Variants in TP63 observed in about 807,000 individuals in gnomAD.
TP63 encodes the protein tumor protein 63.
TP63 carries 17 observed loss-of-function variants against 82.8 expected under a neutral mutation model. The observed-to-expected ratio is 0.21, with a 90% CI of 0.14 to 0.31. TP63 has a LOEUF of 0.31. Ranked by LOEUF, TP63 falls within the 10% of genes least tolerant of loss-of-function variation. The pLI is 1.00. For missense variants in TP63, 648 were observed against 895.3 expected (o/e 0.72, Z 3.52); for synonymous variants, 330 against 321.7 (o/e 1.03, Z -0.28).
At chr3:189,600,271 C>T in the TP63 span, among the ~76,000 whole-genome samples, 2 of 152,130 alleles carry the variant, frequency 1.3e-5, no homozygotes, top group African/African-American at 4.8e-5. Context: ...AATTCTGTCT[C>T]TAGTTTGCCA....
chr3:189,771,012 C>T (rs879910696), intron 3 of TP63, among the ~76,000 whole-genome samples: 3 of 151,978 alleles, frequency 2.0e-5, no homozygotes, highest in Admixed American at 6.6e-5. Context: ...CAATGTATAT[C>T]TACTACCATT....
At chr3:189,700,483 C>T (rs764457144) in intron 1 of TP63, among the ~76,000 whole-genome samples, 1 of 152,070 alleles carries the variant, frequency 6.6e-6, no homozygotes, top group Non-Finnish European at 1.5e-5. Context: ...GAAATGGAAG[C>T]CCCACATGAA....
At chr3:189,706,803 G>T (rs76130555) in intron 1 of TP63, among the ~76,000 whole-genome samples, 2,264 of 152,280 alleles carry the variant, frequency 0.015, 51 homozygotes, top group African/African-American at 0.052. Context: ...TCACAGAGAC[G>T]ACTTGTAACA....
chr3:189,866,867 T>G, intron 6 of TP63, 70 bp downstream of exon 6: 1 of 1,219,260 alleles, frequency 8.2e-7, no homozygotes, highest in Non-Finnish European at 1.2e-6. Context: ...GAACATCTGT[T>G]TCAGCAACAG....
chr3:189,814,829 A>G (rs1350729198), intron 4 of TP63, among the ~76,000 whole-genome samples: 1 of 152,204 alleles, frequency 6.6e-6, no homozygotes. Flanking sequence ...AGCCAGTTTA[A>G]TCTAATCTAA....
In TP63 at chr3:189,647,698, G is replaced by C. The variant is rs149690101; in HGVS notation, c.62+16121G>C. On this transcript the variant is annotated intron_variant, in intron 1 of 13. Coordinates refer to ENST00000264731, the MANE Select transcript of TP63 (RefSeq NM_003722.5). ...ATTGTGTATGCAGCCCTTGTAGGAA[G>C]ACCGAAGCCAAATTATCAAAGAACA... is the stretch of plus-strand genomic sequence containing the variant. Among the ~76,000 whole-genome samples, 129 of 146,320 alleles carry C rather than the reference G, an allele frequency of 8.8e-4. 14 individuals are homozygous for C. Among genetic ancestry groups the C allele is most frequent in the Middle Eastern group, 3.4e-3 (1 of 290 alleles).
intron 3 of TP63, among the ~76,000 whole-genome samples, chr3:189,781,052 A>G (rs1724191745): frequency 6.6e-6 from 1 of 152,178 alleles, no homozygotes; most frequent in African/African-American, 2.4e-5. Flanking sequence ...AGGCCCAGAA[A>G]GGACTTTAGA....
At chr3:189,802,332 C>A (rs1442359645) in intron 3 of TP63, among the ~76,000 whole-genome samples, 1 of 152,208 alleles carries the variant, frequency 6.6e-6, no homozygotes, top group Non-Finnish European at 1.5e-5. Context: ...AGGTGGTTAT[C>A]AGCTGAGGAA....
intron 3 of TP63, among the ~76,000 whole-genome samples, chr3:189,749,856 G>A (rs1721670315): frequency 6.6e-6 from 1 of 152,118 alleles, no homozygotes; most frequent in African/African-American, 2.4e-5. Flanking sequence ...AGGTGCGGTG[G>A]CTCACACCTG....
At chr3:189,630,136 T>C (rs1439648514), upstream of TP63, among the ~76,000 whole-genome samples, 1 of 152,160 alleles carries the variant, frequency 6.6e-6, no homozygotes, top group African/African-American at 2.4e-5. Context: ...TTGAGTTAGA[T>C]TTACTTACAG....
At chr3:189,695,342 T>C (rs1717293718) in intron 1 of TP63, among the ~76,000 whole-genome samples, 1 of 152,180 alleles carries the variant, frequency 6.6e-6, no homozygotes, top group African/African-American at 2.4e-5. Flanking sequence ...ATTTTGAGCA[T>C]GGTTTTAAAT....
At chr3:189,848,270 T>TCTCTCTCTCTCTCTC (rs1560254388) in intron 4 of TP63, among the ~76,000 whole-genome samples, 3 of 151,060 alleles carry the variant, frequency 2.0e-5, no homozygotes, top group Non-Finnish European at 4.4e-5. Flanking sequence ...TCTCTCTCTC[T>TCTCTCTCTCTCTCTC]GTTGCCTAGG....
At chr3:189,837,162 T>G (rs920382014) in intron 4 of TP63, among the ~76,000 whole-genome samples, 2 of 152,144 alleles carry the variant, frequency 1.3e-5, no homozygotes, top group African/African-American at 4.8e-5. Context: ...TTGTTTTGTT[T>G]TCCCTTCTGC....
At chr3:189,732,617 T>TA (rs200203092) in intron 1 of TP63, among the ~76,000 whole-genome samples, 1,778 of 152,312 alleles carry the variant, frequency 0.012, 19 homozygotes, top group Non-Finnish European at 0.017. Context: ...AGAAAGCCTC[T>TA]CAACCACCTT....
intron 11 of TP63, 105 bp downstream of exon 11, chr3:189,886,656 T>C: frequency 6.6e-7 from 1 of 1,511,162 alleles, no homozygotes; most frequent in Non-Finnish European, 9.0e-7. Flanking sequence ...AGAGACACAG[T>C]GGGACAGATC....
intron 3 of TP63, among the ~76,000 whole-genome samples, chr3:189,805,872 A>T (rs1018253252): frequency 2.0e-5 from 3 of 151,926 alleles, no homozygotes; most frequent in African/African-American, 7.3e-5. Flanking sequence ...AAGGCCAAAA[A>T]CCCTGGCTCA....
At chr3:189,692,525 A>G (rs1336156223) in intron 1 of TP63, among the ~76,000 whole-genome samples, 1 of 152,170 alleles carries the variant, frequency 6.6e-6, no homozygotes, top group African/African-American at 2.4e-5. Flanking sequence ...TAGGCTAAAA[A>G]TAGGCAGTAA....
intron 1 of TP63, among the ~76,000 whole-genome samples, chr3:189,669,335 G>A (rs1324658199): frequency 1.3e-5 from 2 of 150,926 alleles, no homozygotes; most frequent in Non-Finnish European, 2.9e-5. Flanking sequence ...AGGATAATTT[G>A]TAGTTAGCAG....
chr3:189,832,456 C>T (rs1712508956), intron 4 of TP63, among the ~76,000 whole-genome samples: 1 of 152,094 alleles, frequency 6.6e-6, no homozygotes, highest in Non-Finnish European at 1.5e-5. Context: ...GGAGACAGCT[C>T]GCCAGCTAAA....
Sources: gnomAD v4.1 joint callset for allele counts (sites outside exome capture counted in the v4.1 genomes callset) on GRCh38, gnomAD v4.1.1 for gene constraint, MANE v1.5 for transcripts, NCBI Gene and HGNC (gene_info 2026-07-23, HGNC 2026-07-21) for gene names.